RANBP17: variants seen among roughly 807,000 people sequenced by gnomAD.
RANBP17 encodes ran-binding protein 17.
A neutral mutation model predicts 141.2 loss-of-function variants in RANBP17; 158 were observed. That is an observed-to-expected ratio of 1.12 (90% CI 0.98 to 1.28). The LOEUF is 1.28. Among genes scored for constraint, RANBP17 ranks in the 50% most tolerant of loss-of-function variants. The probability of loss-of-function intolerance (pLI) is 0.00; values close to 1 mark genes in which losing one functional copy is unlikely to be tolerated. For synonymous variants in RANBP17, 430 were observed against 450.0 expected (o/e 0.96, Z 0.56); for missense variants, 1,438 against 1,290.7 (o/e 1.11, Z -1.75).
At chr5:171,179,402 A>C (rs112743479) in intron 16 of RANBP17, among the ~76,000 whole-genome samples, 1 of 152,004 alleles carries the variant, frequency 6.6e-6, no homozygotes, top group African/African-American at 2.4e-5. Flanking sequence ...AGTAGGGTTC[A>C]TGAGCAAAAT....
intron 14 of RANBP17, among the ~76,000 whole-genome samples, chr5:171,048,983 T>C (rs369793313): frequency 1.6e-3 from 241 of 152,302 alleles, no homozygotes; most frequent in African/African-American, 4.9e-3. Context: ...TATATTCCTT[T>C]GGGTGTGTAT....
chr5:171,048,712 A>G (rs1303612704), intron 14 of RANBP17, among the ~76,000 whole-genome samples: 3 of 152,102 alleles, frequency 2.0e-5, no homozygotes, highest in African/African-American at 7.2e-5. Context: ...GCTTCCACTT[A>G]TAAGTGAGAA....
chr5:170,899,525 G>A (rs1413160254), intron 5 of RANBP17, among the ~76,000 whole-genome samples: 2 of 152,148 alleles, frequency 1.3e-5, no homozygotes, highest in African/African-American at 2.4e-5. Context: ...TCTCTTGCCT[G>A]ATTGTCCTGG....
At chr5:171,284,945 A>C (rs1768066597) in intron 25 of RANBP17, among the ~76,000 whole-genome samples, 1 of 152,142 alleles carries the variant, frequency 6.6e-6, no homozygotes, top group Non-Finnish European at 1.5e-5. Flanking sequence ...GTATTAGCCC[A>C]AACTCGTTTC....
At position 171,183,370 on chromosome 5, in the gene RANBP17, G is replaced by T; in HGVS notation, c.1978G>T (p.Asp660Tyr). 1 of 1,613,968 alleles carries T rather than the reference G, an allele frequency of 6.2e-7. No homozygotes were observed. Among genetic ancestry groups the T allele is most frequent in the South Asian group, 1.1e-5 (1 of 91,036 alleles). Residue 660 changes from aspartate to tyrosine, a missense_variant, in exon 18 of 28, where the codon GAC (aspartate) becomes TAC (tyrosine). Coordinates refer to ENST00000523189, the MANE Select transcript of RANBP17 (RefSeq NM_022897.5). ...CATCAGTGACAATCATAGTCTCAGC[G>T]ACTTCAGGTGTCGAACAACCTTCTA... ...LGISDNHSLS[D>Y]FRCRTTFYTA... is the part of the protein sequence containing the mutation.
intron 18 of RANBP17, among the ~76,000 whole-genome samples, chr5:171,189,504 C>T (rs975949014): frequency 6.6e-6 from 1 of 152,154 alleles, no homozygotes; most frequent in African/African-American, 2.4e-5. Flanking sequence ...TCAGTAAATG[C>T]TTGTTGAATG....
rs377476283 is a variant in RANBP17, at chr5:171,195,102, G to A, written c.2039-4568G>A. Among the ~76,000 whole-genome samples the A allele has an allele frequency of 1.3e-3, 194 of 152,226 alleles. 9 individuals are homozygous for A. The South Asian group carries it at 0.039, about 30-fold the overall frequency. ...CATGACTGAGAACTTACAATGTTATGTTCACATTTACTTTTCCTGATGGCA... is the reference window on the plus strand; with the variant it reads ...CATGACTGAGAACTTACAATGTTATATTCACATTTACTTTTCCTGATGGCA... On this transcript the variant is annotated intron_variant, in intron 18 of 27. Transcript: ENST00000523189.
intron 13 of RANBP17, among the ~76,000 whole-genome samples, chr5:170,966,760 GT>G (rs1581260031): frequency 6.6e-6 from 1 of 152,202 alleles, no homozygotes; most frequent in East Asian, 1.9e-4. Context: ...AATTGTCCCT[GT>G]TTGCAGATGA....
chr5:171,111,523 T>A (rs1413156194), intron 14 of RANBP17, among the ~76,000 whole-genome samples: 1 of 152,206 alleles, frequency 6.6e-6, no homozygotes, highest in Non-Finnish European at 1.5e-5. Flanking sequence ...GAGCTGTTAG[T>A]GCAGTCTCTC....
intron 11 of RANBP17, among the ~76,000 whole-genome samples, chr5:170,919,834 C>T (rs1471163686): frequency 6.6e-6 from 1 of 152,006 alleles, no homozygotes; most frequent in Non-Finnish European, 1.5e-5. Flanking sequence ...TCTCCTCACC[C>T]TCATCTCTGG....
At chr5:171,232,533 T>TG (rs1015984387) in intron 22 of RANBP17, among the ~76,000 whole-genome samples, 260 of 152,146 alleles carry the variant, frequency 1.7e-3, no homozygotes, top group African/African-American at 5.8e-3. Flanking sequence ...AATATACCCA[T>TG]GGGGGGGAAA....
chr5:171,105,736 T>C (rs1415186496), intron 14 of RANBP17, among the ~76,000 whole-genome samples: 2 of 151,778 alleles, frequency 1.3e-5, no homozygotes, highest in African/African-American at 4.8e-5. Context: ...AAAAAAAAAT[T>C]TATTCTATCT....
At chr5:170,874,742 C>G (rs1240480967) in intron 1 of RANBP17, among the ~76,000 whole-genome samples, 2 of 151,828 alleles carry the variant, frequency 1.3e-5, no homozygotes, top group East Asian at 1.9e-4. Flanking sequence ...AGATGGGTCT[C>G]TTGAATACAG....
intron 14 of RANBP17, among the ~76,000 whole-genome samples, chr5:171,032,210 C>T (rs1347638799): frequency 1.3e-5 from 2 of 152,058 alleles, no homozygotes; most frequent in Non-Finnish European, 2.9e-5. Flanking sequence ...ACAGCTCCTG[C>T]TTTAATGAAT....
intron 14 of RANBP17, among the ~76,000 whole-genome samples, chr5:171,159,853 G>T (rs1000071734): frequency 6.7e-6 from 1 of 148,304 alleles, no homozygotes; most frequent in Non-Finnish European, 1.5e-5. Context: ...AACCCGGGAG[G>T]CAGAGCTTGC....
intron 14 of RANBP17, among the ~76,000 whole-genome samples, chr5:171,022,983 G>GGT (rs1780983053): frequency 6.6e-6 from 1 of 152,170 alleles, no homozygotes; most frequent in East Asian, 1.9e-4. Context: ...TCCCTTGCTG[G>GGT]GTAGCATGCT....
chr5:171,224,146 T>C (rs1367880053), intron 22 of RANBP17, among the ~76,000 whole-genome samples: 3 of 152,196 alleles, frequency 2.0e-5, no homozygotes, highest in African/African-American at 7.2e-5. Flanking sequence ...ACCCACATCA[T>C]TGTTTTGCTC....
chr5:171,079,845 G>A lies in RANBP17; in HGVS notation c.1711-90285G>A, dbSNP rs139062220. Among the ~76,000 whole-genome samples, 1,058 of 152,320 alleles carry A rather than the reference G, an allele frequency of 6.9e-3. 11 individuals carry two copies. Among genetic ancestry groups the A allele is most frequent in the Non-Finnish European group, 0.012 (786 of 68,028 alleles). ...GTATGACTTGCTTGATTGCAGTGGT[G>A]TGGAACAGAAACTGCATTATCTTTA... On this transcript the variant is annotated intron_variant, in intron 14 of 27. Coordinates refer to ENST00000523189, the MANE Select transcript of RANBP17 (RefSeq NM_022897.5).
intron 25 of RANBP17, among the ~76,000 whole-genome samples, chr5:171,293,315 C>T (rs1427136456): frequency 2.6e-5 from 4 of 152,078 alleles, no homozygotes; most frequent in East Asian, 1.9e-4. Flanking sequence ...TTTAAGAGAA[C>T]GGATGAGTAA....
Sources: gnomAD v4.1 joint callset for allele counts (sites outside exome capture counted in the v4.1 genomes callset) on GRCh38, gnomAD v4.1.1 for gene constraint, MANE v1.5 for transcripts, NCBI Gene and HGNC (gene_info 2026-07-23, HGNC 2026-07-21) for gene names.